Variants in ARL15 observed in about 807,000 individuals in gnomAD.
The protein encoded by ARL15 is ADP-ribosylation factor-like protein 15.
In ARL15, 19 loss-of-function variants were observed where a neutral mutation model predicts 25.2. The observed-to-expected ratio is 0.75, with a 90% confidence interval of 0.53 to 1.10. The LOEUF is 1.10. Among genes scored for constraint, ARL15 ranks in the 50% least tolerant of loss-of-function variants. ARL15 has a pLI of 0.00. For missense variants in ARL15, 220 were observed against 246.0 expected (o/e 0.89, Z 0.71); for synonymous variants, 94 against 86.8 (o/e 1.08, Z -0.46).
At chr5:54,200,180 A>T (rs1319264711) in intron 1 of ARL15, among the ~76,000 whole-genome samples, 1 of 151,412 alleles carries the variant, frequency 6.6e-6, no homozygotes, top group African/African-American at 2.4e-5. Flanking sequence ...GCACCAGGAG[A>T]TATACATAAT....
chr5:54,058,013 T>C (rs1006640071), intron 4 of ARL15, among the ~76,000 whole-genome samples: 3 of 122,718 alleles, frequency 2.4e-5, no homozygotes, highest in Non-Finnish European at 3.5e-5. Flanking sequence ...TATTTATTTA[T>C]TTATTTTTTT....
At chr5:54,286,504 T>C (rs1359202295) in intron 1 of ARL15, among the ~76,000 whole-genome samples, 1 of 152,186 alleles carries the variant, frequency 6.6e-6, no homozygotes, top group African/African-American at 2.4e-5. Flanking sequence ...TGAAAAGCCA[T>C]CTAGCAGAAA....
At chr5:54,302,571 G>A (rs1412376870) in intron 1 of ARL15, among the ~76,000 whole-genome samples, 1 of 151,780 alleles carries the variant, frequency 6.6e-6, no homozygotes, top group Non-Finnish European at 1.5e-5. Context: ...AATGATGCAG[G>A]TTACAGACTC....
chr5:54,180,070 C>T (rs566814039), intron 1 of ARL15, among the ~76,000 whole-genome samples: 6 of 150,028 alleles, frequency 4.0e-5, no homozygotes, highest in African/African-American at 1.2e-4. Context: ...AGATTTCCAA[C>T]CCTAAGCACA....
intron 4 of ARL15, among the ~76,000 whole-genome samples, chr5:53,943,779 G>A (rs116179151): frequency 0.027 from 4,126 of 152,244 alleles, 74 homozygotes; most frequent in Middle Eastern, 0.041. Flanking sequence ...CTGAGAGCTG[G>A]AGTTTCCAAG....
chr5:53,985,616 C>A (rs377042522), intron 4 of ARL15, among the ~76,000 whole-genome samples: 193 of 152,206 alleles, frequency 1.3e-3, no homozygotes, highest in Middle Eastern at 3.4e-3. Flanking sequence ...CAGAATTCAT[C>A]CATGTTGTGG....
intron 1 of ARL15, among the ~76,000 whole-genome samples, chr5:54,279,989 G>C (rs10940374): frequency 0.65 from 98,426 of 152,090 alleles, 33,169 homozygotes; most frequent in Non-Finnish European, 0.75. Flanking sequence ...ACTGGGCTGC[G>C]AGCCAGCGCC....
In ARL15 at chr5:54,199,430, T is replaced by C. The variant is rs1052347129; in HGVS notation, c.49-27502A>G. Among the ~76,000 whole-genome samples the C allele has an allele frequency of 2.6e-4, 39 of 151,460 alleles. 1 individual carries two copies. Among genetic ancestry groups the C allele is most frequent in the African/African-American group, 2.2e-4 (9 of 41,064 alleles). ...AAGGGCTAATATCCAGAATCTACAA[T>C]GAACTCTAACAAATTTACAAGAAAA... On this transcript the variant is annotated intron_variant, in intron 1 of 4. Transcript: ENST00000504924.
intron 1 of ARL15, among the ~76,000 whole-genome samples, chr5:54,253,432 T>TAGGA (rs1195983502): frequency 6.6e-6 from 1 of 152,056 alleles, no homozygotes; most frequent in Admixed American, 6.5e-5. Context: ...GAGTAGAGGT[T>TAGGA]AGGAAGATTG....
chr5:53,923,864 C>T (rs976485921), intron 4 of ARL15, among the ~76,000 whole-genome samples: 1 of 149,146 alleles, frequency 6.7e-6, no homozygotes, highest in Admixed American at 6.7e-5. Flanking sequence ...GACTCCGTCT[C>T]AAAAAAATAA....
Position 53,952,135 on chromosome 5 carries a change from T to C in ARL15, c.463-65422A>G, listed in dbSNP as rs372289016. The stretch of plus-strand genomic sequence containing the variant: ...AAAAATAGCCAGGCATGGTGGTGGG[T>C]GCCTGTAATCCCAGCTACTCGGGAG... On this transcript the variant is annotated intron_variant, in intron 4 of 4. Coordinates refer to ENST00000504924, the MANE Select transcript of ARL15 (RefSeq NM_019087.3). 1.1e-4 allele frequency among the ~76,000 whole-genome samples: 16 copies of C among 151,984 alleles called. No homozygotes were observed. The East Asian group carries it at 2.9e-3, about 28-fold the overall frequency.
chr5:54,223,623 C>A lies in ARL15; in HGVS notation c.49-51695G>T, dbSNP rs149369988. Among the ~76,000 whole-genome samples, 85 of 152,180 alleles carry A rather than the reference C, an allele frequency of 5.6e-4. 1 individual carries two copies. Among genetic ancestry groups the A allele is most frequent in the African/African-American group, 1.9e-3 (80 of 41,528 alleles). On this transcript the variant is annotated intron_variant, in intron 1 of 4. Coordinates refer to ENST00000504924, the MANE Select transcript of ARL15 (RefSeq NM_019087.3). ...CAGCATTATCTAAATATGAAAATAA[C>A]AATAAAATAACAATCAATTTTATGA...
chr5:54,181,055 A>T (rs1755041911), intron 1 of ARL15, among the ~76,000 whole-genome samples: 1 of 152,208 alleles, frequency 6.6e-6, no homozygotes, highest in Admixed American at 6.5e-5. Context: ...GTGAGATTTT[A>T]AAAGTTAGGG....
At chr5:54,124,305 C>T (rs1387928048) in intron 3 of ARL15, among the ~76,000 whole-genome samples, 1 of 152,150 alleles carries the variant, frequency 6.6e-6, no homozygotes, top group Non-Finnish European at 1.5e-5. Context: ...TATAGGGCAG[C>T]ACATATAAAA....
intron 1 of ARL15, among the ~76,000 whole-genome samples, chr5:54,198,527 C>G (rs192142145): frequency 0.46 from 54,649 of 118,362 alleles, 11,989 homozygotes; most frequent in Admixed American, 0.54. Context: ...GCCAAATCAT[C>G]AGTGAACTCC....
intron 4 of ARL15, among the ~76,000 whole-genome samples, chr5:54,108,936 CA>C (rs1752661061): frequency 6.6e-6 from 1 of 151,732 alleles, no homozygotes; most frequent in Non-Finnish European, 1.5e-5. Context: ...ATGCATTGTT[CA>C]AAAAAATCTG....
chr5:53,952,656 C>A (rs1256592013), intron 4 of ARL15, among the ~76,000 whole-genome samples: 2 of 152,102 alleles, frequency 1.3e-5, no homozygotes, highest in Non-Finnish European at 1.5e-5. Context: ...AATTCTACTG[C>A]AATTTTTATT....
At chr5:54,307,077 T>G (rs919310396) in intron 1 of ARL15, among the ~76,000 whole-genome samples, 5 of 149,924 alleles carry the variant, frequency 3.3e-5, no homozygotes, top group African/African-American at 1.2e-4. Context: ...CAGCTAAATG[T>G]TTACCCAGAG....
intron 4 of ARL15, among the ~76,000 whole-genome samples, chr5:53,901,749 C>T (rs39723): frequency 0.99 from 150,977 of 152,146 alleles, 74,969 homozygotes; most frequent in Middle Eastern, 1. Context: ...GGTTAAAGAG[C>T]ATATGAAAAA....
Sources: allele counts gnomAD v4.1 joint callset (sites outside exome capture counted in the v4.1 genomes callset), GRCh38; gene constraint gnomAD v4.1.1; transcripts MANE v1.5; gene names NCBI Gene and HGNC (gene_info 2026-07-23, HGNC 2026-07-21).